The following NRXN1 variants were observed in gnomAD, a reference collection of about 807,000 sequenced individuals.
NRXN1 encodes the protein neurexin 1.
A neutral mutation model predicts 150.9 loss-of-function variants in NRXN1; 39 were observed. The ratio of observed to expected loss-of-function variants is 0.26; its 90% CI spans 0.20 to 0.34. The LOEUF (loss-of-function observed/expected upper bound fraction) is 0.34. NRXN1 is among the 10% of genes least tolerant of loss of function. NRXN1 has a pLI of 1.00. For synonymous variants in NRXN1, 924 were observed against 757.0 expected, an observed-to-expected ratio of 1.22 and a Z score of -3.62; for missense variants, 1,815 against 1,949.9, an observed-to-expected ratio of 0.93 and a Z score of 1.30.
intron 17 of NRXN1, among the ~76,000 whole-genome samples, chr2:50,243,559 T>C (rs989393657): frequency 6.6e-6 from 1 of 151,870 alleles, no homozygotes; most frequent in African/African-American, 2.4e-5. Flanking sequence ...ATGAAAGTGA[T>C]ACTGTCTAGG....
intron 5 of NRXN1, among the ~76,000 whole-genome samples, chr2:50,728,979 G>GC (rs1374489913): frequency 6.6e-6 from 1 of 151,980 alleles, no homozygotes; most frequent in African/African-American, 2.4e-5. Flanking sequence ...TTTTAGAAGG[G>GC]TCTAATATGC....
chr2:50,211,438 T>G (rs1049160336), intron 18 of NRXN1, among the ~76,000 whole-genome samples: 1 of 151,632 alleles, frequency 6.6e-6, no homozygotes, highest in Non-Finnish European at 1.5e-5. Context: ...CCCTAAAAGA[T>G]GATTAAATTC....
intron 17 of NRXN1, among the ~76,000 whole-genome samples, chr2:50,252,944 A>T (rs561684118): frequency 1.5e-4 from 23 of 152,264 alleles, no homozygotes; most frequent in African/African-American, 5.5e-4. Context: ...CTAATTCTGT[A>T]AAGAATGTCA....
At chr2:50,555,089 T>C (rs776807034) in intron 8 of NRXN1, among the ~76,000 whole-genome samples, 2 of 152,210 alleles carry the variant, frequency 1.3e-5, no homozygotes, top group Non-Finnish European at 2.9e-5. Context: ...CTTCTCTCTA[T>C]GACTTTCATG....
intron 8 of NRXN1, among the ~76,000 whole-genome samples, chr2:50,605,033 A>G (rs1248643196): frequency 1.3e-5 from 2 of 152,238 alleles, no homozygotes; most frequent in African/African-American, 4.8e-5. Flanking sequence ...TCTACTTGGG[A>G]AACCCCAGTT....
intron 17 of NRXN1, among the ~76,000 whole-genome samples, chr2:50,271,769 A>G (rs1480169457): frequency 6.6e-6 from 1 of 152,094 alleles, no homozygotes; most frequent in African/African-American, 2.4e-5. Flanking sequence ...AAACTTGCCT[A>G]TTTTGGTGAA....
intron 2 of NRXN1, among the ~76,000 whole-genome samples, chr2:51,013,457 T>G (rs1018374717): frequency 9.2e-5 from 14 of 151,786 alleles, no homozygotes; most frequent in South Asian, 2.1e-4. Context: ...TAGAGTTGTT[T>G]TTTTTTTTTG....
chr2:50,900,305 C>T (rs973916666), intron 5 of NRXN1, among the ~76,000 whole-genome samples: 1 of 152,132 alleles, frequency 6.6e-6, no homozygotes, highest in African/African-American at 2.4e-5. Context: ...TATCCTATAT[C>T]ACATTACACT....
chr2:50,360,407 G>C (rs1316489723), intron 17 of NRXN1, among the ~76,000 whole-genome samples: 1 of 152,182 alleles, frequency 6.6e-6, no homozygotes, highest in Non-Finnish European at 1.5e-5. Context: ...TAAAATGATG[G>C]AGGAAGATTT....
intron 8 of NRXN1, among the ~76,000 whole-genome samples, chr2:50,602,381 T>C (rs1179927309): frequency 1.4e-5 from 2 of 147,626 alleles, no homozygotes; most frequent in East Asian, 4.4e-4. Flanking sequence ...TAGGTGTCTC[T>C]AATGTTCATT....
intron 5 of NRXN1, among the ~76,000 whole-genome samples, chr2:50,679,419 T>C (rs556906358): frequency 6.6e-6 from 1 of 152,224 alleles, no homozygotes; most frequent in Non-Finnish European, 1.5e-5. Flanking sequence ...GAAGAGAGCA[T>C]AGGCAAAGAA....
chr2:50,229,311 CT>C (rs2064711207), intron 18 of NRXN1, among the ~76,000 whole-genome samples: 1 of 128,580 alleles, frequency 7.8e-6, no homozygotes, highest in African/African-American at 3.1e-5. Flanking sequence ...TTGCTTATGG[CT>C]TTCAGCGCAT....
intron 12 of NRXN1, among the ~76,000 whole-genome samples, chr2:50,516,604 C>G (rs375136386): frequency 6.6e-6 from 1 of 152,068 alleles, no homozygotes; most frequent in East Asian, 1.9e-4. Context: ...GGTGATACAC[C>G]AATAACCCTC....
chr2:50,551,029 A>G (rs1268912137), intron 9 of NRXN1, among the ~76,000 whole-genome samples: 1 of 98,018 alleles, frequency 1.0e-5, no homozygotes, highest in African/African-American at 4.5e-5. Context: ...AGGAAGAGGA[A>G]GAGGAAGAGG....
intron 17 of NRXN1, among the ~76,000 whole-genome samples, chr2:50,437,581 G>T (rs189299487): frequency 6.6e-6 from 1 of 152,234 alleles, no homozygotes; most frequent in African/African-American, 2.4e-5. Context: ...ATCATGTGTT[G>T]AGGGGGTGAG....
At chr2:50,581,138 C>A (rs527684575) in intron 8 of NRXN1, among the ~76,000 whole-genome samples, 1 of 152,150 alleles carries the variant, frequency 6.6e-6, no homozygotes, top group East Asian at 1.9e-4. Context: ...TATGAATACA[C>A]AGAAGTTCCC....
At chr2:50,364,434 GC>G in intron 17 of NRXN1, among the ~76,000 whole-genome samples, 1 of 152,204 alleles carries the variant, frequency 6.6e-6, no homozygotes. Flanking sequence ...CAGTTTTGGA[GC>G]ATGTGTGATC....
rs181119671 is a variant in NRXN1, at chr2:49,940,338, T to C, written c.4216+3366A>G. Among the ~76,000 whole-genome samples the C allele has an allele frequency of 2.9e-3, 437 of 152,336 alleles. 2 individuals are homozygous for C. Among genetic ancestry groups the C allele is most frequent in the African/African-American group, 9.7e-3 (402 of 41,572 alleles). The stretch of plus-strand genomic sequence containing the variant: ...CAGTATCCCAAAATATAGCCTAATA[T>C]GTGAAATAATTTTTATTTAAGTATT... On this transcript the variant is annotated intron_variant, in intron 22 of 22. Transcript: ENST00000401669.
chr2:50,116,587 A>G (rs751236637), intron 18 of NRXN1, among the ~76,000 whole-genome samples: 2 of 152,042 alleles, frequency 1.3e-5, no homozygotes, highest in African/African-American at 4.8e-5. Context: ...TGCTTTGCAT[A>G]TGTATAACAG....
Sources: gnomAD v4.1 joint callset for allele counts (sites outside exome capture counted in the v4.1 genomes callset) on GRCh38, gnomAD v4.1.1 for gene constraint, MANE v1.5 for transcripts, NCBI Gene and HGNC (gene_info 2026-07-23, HGNC 2026-07-21) for gene names.